Variants in HECW2 observed in about 807,000 individuals in gnomAD.
HECW2 encodes HECT, C2 and WW domain containing E3 ubiquitin protein ligase 2, also known as E3 ubiquitin-protein ligase HECW2.
HECW2 carries 61 observed loss-of-function variants against 175.2 expected under a neutral mutation model. The observed-to-expected ratio is 0.35, with a 90% confidence interval of 0.28 to 0.43. HECW2 has a LOEUF of 0.43. HECW2 is among the 20% of genes least tolerant of loss of function. The pLI is 1.00. For missense variants in HECW2, 1,524 were observed against 2,000.5 expected (o/e 0.76, Z 4.54); for synonymous variants, 671 against 731.0 (o/e 0.92, Z 1.32).
intron 23 of HECW2, among the ~76,000 whole-genome samples, chr2:196,224,132 G>A (rs753406591): frequency 8.5e-5 from 13 of 152,258 alleles, no homozygotes; most frequent in African/African-American, 2.2e-4. Context: ...AACATGTACC[G>A]TGTGTATTTG....
intron 17 of HECW2, among the ~76,000 whole-genome samples, chr2:196,268,553 C>T (rs1238104497): frequency 1.3e-5 from 2 of 152,190 alleles, no homozygotes; most frequent in Non-Finnish European, 2.9e-5. Context: ...TCTGTCAAGT[C>T]ATTAAAGACT....
chr2:196,537,719 T>C (rs1689067246), intron 1 of HECW2, among the ~76,000 whole-genome samples: 2 of 152,220 alleles, frequency 1.3e-5, no homozygotes, highest in Non-Finnish European at 2.9e-5. Flanking sequence ...AAATTAATCA[T>C]GTTTACTAAA....
intron 1 of HECW2, among the ~76,000 whole-genome samples, chr2:196,497,258 GT>G (rs544235459): frequency 4.7e-4 from 72 of 152,256 alleles, no homozygotes; most frequent in African/African-American, 1.7e-3. Flanking sequence ...CTGGACTTTA[GT>G]TTGTACGACT....
At chr2:196,483,870 A>G (rs1014485450) in intron 1 of HECW2, among the ~76,000 whole-genome samples, 1 of 152,330 alleles carries the variant, frequency 6.6e-6, no homozygotes, top group Admixed American at 6.5e-5. Flanking sequence ...CCTTCTGTGA[A>G]AGGTTTTTGA....
intron 2 of HECW2, among the ~76,000 whole-genome samples, chr2:196,344,322 G>GAAAAAAAAAA (rs60573890): frequency 4.0e-4 from 27 of 67,578 alleles, no homozygotes; most frequent in Non-Finnish European, 5.1e-4. Flanking sequence ...GACAAGATAA[G>GAAAAAAAAAA]AAAAAAAAAA....
chr2:196,253,852 G>A, intron 19 of HECW2, 68 bp downstream of exon 19: 2 of 1,409,596 alleles, frequency 1.4e-6, no homozygotes, highest in African/African-American at 1.4e-5. Context: ...TGTCTTTAGG[G>A]AGGATAGAAC....
chr2:196,386,409 C>T (rs117595936), intron 2 of HECW2, among the ~76,000 whole-genome samples: 1 of 152,234 alleles, frequency 6.6e-6, no homozygotes, highest in East Asian at 1.9e-4. Flanking sequence ...GCAAAAAGAA[C>T]AATCAGTGCA....
chr2:196,417,993 G>GACTCCTGTTAGTTAAT (rs1695300099), intron 2 of HECW2, among the ~76,000 whole-genome samples: 1 of 152,096 alleles, frequency 6.6e-6, no homozygotes, highest in African/African-American at 2.4e-5. Flanking sequence ...TTAATTTAAT[G>GACTCCTGTTAGTTAAT]TAAATTCCCA....
At chr2:196,506,191 C>G (rs1356285364) in intron 1 of HECW2, among the ~76,000 whole-genome samples, 1 of 152,052 alleles carries the variant, frequency 6.6e-6, no homozygotes, top group East Asian at 1.9e-4. Flanking sequence ...CTGTACAGAT[C>G]AATAACTATG....
chr2:196,376,147 A>G (rs1265845513), intron 2 of HECW2, among the ~76,000 whole-genome samples: 3 of 152,220 alleles, frequency 2.0e-5, no homozygotes, highest in Non-Finnish European at 4.4e-5. Flanking sequence ...TTACCCTCAA[A>G]CTTTGCCCCA....
At chr2:196,501,085 CT>C (rs1687563826) in intron 1 of HECW2, among the ~76,000 whole-genome samples, 1 of 152,112 alleles carries the variant, frequency 6.6e-6, no homozygotes, top group African/African-American at 2.4e-5. Flanking sequence ...AATAAGTAGT[CT>C]GATTATAATG....
chr2:196,208,802 T>G (rs1687160985), intron 28 of HECW2, among the ~76,000 whole-genome samples: 1 of 152,086 alleles, frequency 6.6e-6, no homozygotes, highest in Non-Finnish European at 1.5e-5. Flanking sequence ...CATGTTGAGG[T>G]TGCAGGAGGA....
intron 2 of HECW2, among the ~76,000 whole-genome samples, chr2:196,403,436 T>A (rs539806005): frequency 1.3e-4 from 20 of 152,286 alleles, no homozygotes; most frequent in African/African-American, 4.8e-4. Flanking sequence ...TAAAAATGCA[T>A]CTCCTCATAT....
rs527505336 is a variant in HECW2, at chr2:196,320,344, T to G, written c.980A>C (p.His327Pro). The G allele has an allele frequency of 6.3e-7, 1 of 1,596,648 alleles. No homozygotes were observed. The highest frequency in any genetic ancestry group is 1.1e-5 in the South Asian group (1 of 90,496). ...CAGATATATTTATATCTCACCTTCATGAACAGAAGACGTAACCTCCACTTT... is the reference window on the plus strand; with the variant it reads ...CAGATATATTTATATCTCACCTTCAGGAACAGAAGACGTAACCTCCACTTT... ...QFKVEVTSSV[H>P]EDASPEAVGT... The change falls in exon 8 of 29, where the codon CAT becomes CCT. Residue 327 changes from histidine (H) to proline (P), a missense_variant. Around this residue, in one of 11 missense-constraint regions of HECW2, gnomAD observed 604 missense variants for 588.3 expected, o/e 1.03. Coordinates refer to ENST00000644978, the MANE Select transcript of HECW2 (RefSeq NM_001348768.2).
chr2:196,418,802 A>G (rs1695328313), intron 2 of HECW2, among the ~76,000 whole-genome samples: 2 of 152,238 alleles, frequency 1.3e-5, no homozygotes, highest in African/African-American at 4.8e-5. Context: ...AAAACCTGCA[A>G]TGATGACTTA....
At chr2:196,411,047 G>A (rs1303999079) in intron 2 of HECW2, among the ~76,000 whole-genome samples, 1 of 152,234 alleles carries the variant, frequency 6.6e-6, no homozygotes, top group Non-Finnish European at 1.5e-5. Flanking sequence ...TGCTGAGGCT[G>A]AAGTGCAATG....
intron 21 of HECW2, 86 bp downstream of exon 21, chr2:196,240,363 G>C: frequency 1.1e-6 from 1 of 944,986 alleles, no homozygotes; most frequent in Non-Finnish European, 1.6e-6. Flanking sequence ...AGGATTTCCT[G>C]TTTCAGGCAA....
intron 28 of HECW2, 50 bp downstream of exon 28, chr2:196,215,815 T>C (rs1307208448): frequency 7.8e-7 from 1 of 1,278,890 alleles, no homozygotes; most frequent in Non-Finnish European, 1.1e-6. Context: ...CATAAATGAA[T>C]GTCTCCACCA....
At chr2:196,546,770 C>T (rs1689436697) in intron 1 of HECW2, among the ~76,000 whole-genome samples, 3 of 149,128 alleles carry the variant, frequency 2.0e-5, no homozygotes, top group African/African-American at 7.4e-5. Flanking sequence ...TTCTGCAGTG[C>T]ATTTGAATGC....
Sources: allele counts gnomAD v4.1 joint callset (sites outside exome capture counted in the v4.1 genomes callset), GRCh38; gene constraint gnomAD v4.1.1; regional missense constraint gnomAD v4.1.1; transcripts MANE v1.5; gene names NCBI Gene and HGNC (gene_info 2026-07-23, HGNC 2026-07-21).